The following BPIFC variants were observed in gnomAD, a reference collection of about 807,000 sequenced individuals.
BPIFC encodes the protein BPI fold containing family C.
A neutral mutation model predicts 57.6 loss-of-function variants in BPIFC; 60 were observed. That is an observed-to-expected ratio of 1.04 (90% CI 0.85 to 1.29). BPIFC has a LOEUF of 1.29. Among genes scored for constraint, BPIFC ranks in the 50% most tolerant of loss-of-function variants. BPIFC has a pLI of 0.00. For missense variants in BPIFC, 581 were observed against 600.5 expected, an observed-to-expected ratio of 0.97 and a Z score of 0.34; for synonymous variants, 243 against 224.5, an observed-to-expected ratio of 1.08 and a Z score of -0.74.
At chr22:32,449,074 C>T (rs1391688257) in intron 4 of BPIFC, among the ~76,000 whole-genome samples, 1 of 152,066 alleles carries the variant, frequency 6.6e-6, no homozygotes, top group Non-Finnish European at 1.5e-5. Flanking sequence ...TTTTGCAATC[C>T]CCATTTCAAA....
chr22:32,443,345 A>C (rs1216578008), intron 7 of BPIFC, among the ~76,000 whole-genome samples: 1 of 151,952 alleles, frequency 6.6e-6, no homozygotes, highest in African/African-American at 2.4e-5. Flanking sequence ...TTGTATTTTT[A>C]GTAGAGACGG....
At position 32,445,624 on chromosome 22, in the gene BPIFC, T is replaced by C; in HGVS notation, c.594+11A>G. 6.4e-7 allele frequency: 1 copy of C among 1,567,728 alleles called. No homozygotes were observed. The highest frequency in any genetic ancestry group is 1.1e-5 in the South Asian group (1 of 89,822). ...CATTTTACTGTGGTTGCCTAACCTC[T>C]AAAGACTCACCATTTCATTTAAGTT... On this transcript the variant is annotated intron_variant, in intron 7 of 16. Coordinates refer to ENST00000300399, the MANE Select transcript of BPIFC (RefSeq NM_174932.3).
In BPIFC at chr22:32,457,294, C is replaced by G. The variant is rs764774969; in HGVS notation, c.93G>C (p.Lys31Asn). The G allele has an allele frequency of 8.7e-6, 14 of 1,607,076 alleles. No homozygotes were observed. The highest frequency in any genetic ancestry group is 1.2e-5 in the Non-Finnish European group (14 of 1,178,434). The change falls in exon 3 of 17, where the codon AAG (lysine) becomes AAC (asparagine). Residue 31 changes from lysine (K) to asparagine (N), a missense_variant. By Grantham distance (94) the Lys-to-Asn change is moderately conservative. Coordinates refer to ENST00000300399, the MANE Select transcript of BPIFC (RefSeq NM_174932.3). ...CAAGTGCCCTCTGAGTAATCCTTGC[C>G]TTGATTCCAGGGTAAATGGTCTGAG... ...SSSQTIYPGI[K>N]ARITQRALDY...
chr22:32,445,713 G>GAA lies in BPIFC; in HGVS notation c.531-17_531-16dup, dbSNP rs61507713. 0.19 allele frequency: 134,270 copies of GAA among 691,780 alleles called. 5,499 individuals are homozygous for GAA. The highest frequency in any genetic ancestry group is 0.27 in the African/African-American group (9,511 of 35,796). 42.9% of individuals were successfully genotyped at this position (691,780 alleles called of 1,614,324 possible). On this transcript the variant is annotated splice_polypyrimidine_tract_variant and intron_variant, in intron 6 of 16. Coordinates refer to ENST00000300399, the MANE Select transcript of BPIFC (RefSeq NM_174932.3). ...TATACAGAACACTGAGGAAAAAAAT[G>GAA]AAAAAAAAAAAAAAAAAAAAAAGAG...
chr22:32,461,684 A>G (rs1251173290), intron 1 of BPIFC, 23 bp from the exon 2 acceptor site: 4 of 978,760 alleles, frequency 4.1e-6, no homozygotes, highest in Non-Finnish European at 4.9e-6. Flanking sequence ...ATAAGTAGAG[A>G]TGAACTATGG....
intron 4 of BPIFC, among the ~76,000 whole-genome samples, chr22:32,451,566 A>T (rs1320707748): frequency 1.3e-5 from 2 of 152,044 alleles, no homozygotes; most frequent in Non-Finnish European, 2.9e-5. Flanking sequence ...GGTAGGGTGG[A>T]GGGATAGCAT....
intron 3 of BPIFC, among the ~76,000 whole-genome samples, chr22:32,455,696 C>A (rs1327452052): frequency 6.6e-6 from 1 of 152,150 alleles, no homozygotes; most frequent in Non-Finnish European, 1.5e-5. Flanking sequence ...GCAGCACAGA[C>A]CTGAATTCAT....
chr22:32,446,023 A>C (rs199891960), intron 5 of BPIFC, 27 bp from the exon 6 acceptor site: 1 of 1,610,988 alleles, frequency 6.2e-7, no homozygotes, highest in East Asian at 2.2e-5. Flanking sequence ...AAGGTTATCC[A>C]AGCCTGAGTC....
intron 3 of BPIFC, 121 bp downstream of exon 3, chr22:32,457,142 G>A (rs1935054046): frequency 1.7e-6 from 2 of 1,185,414 alleles, no homozygotes; most frequent in Admixed American, 6.1e-5. Context: ...TAAGGTACTG[G>A]ATCACCCCAC....
intron 4 of BPIFC, among the ~76,000 whole-genome samples, chr22:32,451,109 C>T (rs1316555029): frequency 6.6e-6 from 1 of 152,140 alleles, no homozygotes; most frequent in Admixed American, 6.6e-5. Flanking sequence ...ACAGCACAGG[C>T]CTAAAACGAT....
chr22:32,462,041 A>G (rs1164548055), intron 1 of BPIFC, among the ~76,000 whole-genome samples: 5 of 151,824 alleles, frequency 3.3e-5, no homozygotes, highest in South Asian at 4.2e-4. Flanking sequence ...GTGGTGGCGC[A>G]CACCTGTAGT....
At position 32,435,847 on chromosome 22, in the gene BPIFC, G is replaced by T. The variant is rs1172737353; in HGVS notation, c.781C>A (p.Pro261Thr). 5.0e-6 allele frequency: 8 copies of T among 1,613,988 alleles called. 1 individual carries two copies. The highest frequency in any genetic ancestry group is 4.4e-5 in the South Asian group (4 of 91,074). Residue 261 changes from proline (P) to threonine (T), a missense_variant, in exon 10 of 17, where the codon CCC (proline) becomes ACC (threonine). Coordinates refer to ENST00000300399, the MANE Select transcript of BPIFC (RefSeq NM_174932.3). Reference protein sequence around the residue: ...VFYPLENLTDPPFSPVPFVLP... With the variant: ...VFYPLENLTDTPFSPVPFVLP... ...ACAAAAGGAACTGGTGAGAAGGGGG[G>T]GTCGGTGAGGTTTTCCAGTGGGTAG...
chr22:32,446,066 C>A, intron 5 of BPIFC, 70 bp from the exon 6 acceptor site: 1 of 1,543,470 alleles, frequency 6.5e-7, no homozygotes, highest in Non-Finnish European at 8.8e-7. Flanking sequence ...TCTCTGATTA[C>A]CCAGAGACTC....
chr22:32,454,328 A>C (rs1934980812), intron 3 of BPIFC, among the ~76,000 whole-genome samples: 1 of 152,210 alleles, frequency 6.6e-6, no homozygotes, highest in Non-Finnish European at 1.5e-5. Flanking sequence ...TCTAATAAAA[A>C]ACTGTGGGTG....
chr22:32,444,090 C>T (rs908511549), intron 7 of BPIFC, among the ~76,000 whole-genome samples: 2 of 152,164 alleles, frequency 1.3e-5, no homozygotes, highest in African/African-American at 4.8e-5. Flanking sequence ...TATCTTTAAG[C>T]CATAAATCAA....
At chr22:32,456,109 T>C (rs934516889) in intron 3 of BPIFC, among the ~76,000 whole-genome samples, 1 of 152,256 alleles carries the variant, frequency 6.6e-6, no homozygotes, top group Admixed American at 6.5e-5. Context: ...GTTCTTTTAA[T>C]GACTCTGCTC....
At chr22:32,418,064 G>A (rs573291879) in intron 14 of BPIFC, among the ~76,000 whole-genome samples, 11 of 152,128 alleles carry the variant, frequency 7.2e-5, no homozygotes, top group East Asian at 1.9e-4. Context: ...AATAATTACC[G>A]TAAATATGAA....
Position 32,425,763 on chromosome 22 carries a change from G to C in BPIFC, c.1217+5584C>G, listed in dbSNP as rs186627371. ...ATAATGGTCAATAGATTAAATGAATGGTCCTGGAGGTAGGTACTATTATTC... is the reference window on the plus strand; with the variant it reads ...ATAATGGTCAATAGATTAAATGAATCGTCCTGGAGGTAGGTACTATTATTC... On this transcript the variant is annotated intron_variant, in intron 13 of 16. Transcript: ENST00000300399. Among the ~76,000 whole-genome samples, 70 of 152,220 alleles carry C rather than the reference G, an allele frequency of 4.6e-4. 1 individual carries two copies. The highest frequency in any genetic ancestry group is 1.3e-3 in the African/African-American group (55 of 41,548).
At chr22:32,444,763 C>T (rs1220379303) in intron 7 of BPIFC, among the ~76,000 whole-genome samples, 1 of 152,162 alleles carries the variant, frequency 6.6e-6, no homozygotes, top group East Asian at 1.9e-4. Context: ...ATGTTAAGAT[C>T]TAGTTCAAGT....
Sources: allele counts gnomAD v4.1 joint callset (sites outside exome capture counted in the v4.1 genomes callset), GRCh38; gene constraint gnomAD v4.1.1; transcripts MANE v1.5; gene names NCBI Gene and HGNC (gene_info 2026-07-23, HGNC 2026-07-21).